NEBL: variants seen among roughly 807,000 people sequenced by gnomAD.
NEBL encodes the protein nebulette.
A neutral mutation model predicts 140.2 loss-of-function variants in NEBL; 122 were observed. That is an observed-to-expected ratio of 0.87 (90% CI 0.75 to 1.01). The LOEUF is 1.01. Among genes scored for constraint, NEBL ranks in the 50% least tolerant of loss-of-function variants. The pLI, the probability that NEBL is intolerant of heterozygous loss-of-function variation, is 0.00. For synonymous variants in NEBL, 436 were observed against 398.9 expected, an observed-to-expected ratio of 1.09 and a Z score of -1.11; for missense variants, 1,365 against 1,231.3, an observed-to-expected ratio of 1.11 and a Z score of -1.62.
intron 3 of NEBL, among the ~76,000 whole-genome samples, chr10:21,224,255 G>A (rs190356646): frequency 3.9e-5 from 6 of 152,248 alleles, no homozygotes; most frequent in African/African-American, 9.6e-5. Flanking sequence ...TCCTAGCACT[G>A]TTTATTAAAA....
chr10:21,073,276 T>C (rs914606235), intron 2 of NEBL, among the ~76,000 whole-genome samples: 4 of 151,600 alleles, frequency 2.6e-5, no homozygotes, highest in South Asian at 2.1e-4. Flanking sequence ...TGAGCCATGA[T>C]TGCACCACTG....
chr10:21,219,662 T>C (rs1233672618), intron 3 of NEBL, among the ~76,000 whole-genome samples: 2 of 152,214 alleles, frequency 1.3e-5, no homozygotes, highest in Non-Finnish European at 2.9e-5. Context: ...ATTGAATCTA[T>C]AGATCGATTT....
intron 3 of NEBL, among the ~76,000 whole-genome samples, chr10:21,226,079 C>T (rs1268159943): frequency 6.6e-6 from 1 of 151,968 alleles, no homozygotes; most frequent in Non-Finnish European, 1.5e-5. Context: ...ATCCAGGGCC[C>T]AAGGGCTCTT....
intron 3 of NEBL, among the ~76,000 whole-genome samples, chr10:20,975,835 T>C (rs1564468117): frequency 6.6e-6 from 1 of 152,256 alleles, no homozygotes; most frequent in East Asian, 1.9e-4. Context: ...CATATAGATA[T>C]ATATGTGGGC....
chr10:20,861,479 A>ACAGT (rs1843698520), intron 7 of NEBL, among the ~76,000 whole-genome samples: 1 of 152,104 alleles, frequency 6.6e-6, no homozygotes, highest in Non-Finnish European at 1.5e-5. Flanking sequence ...GCGCCCAGCC[A>ACAGT]CAGTCTTATT....
intron 2 of NEBL, among the ~76,000 whole-genome samples, chr10:21,106,416 T>G (rs1405736702): frequency 6.6e-6 from 1 of 152,136 alleles, no homozygotes; most frequent in Non-Finnish European, 1.5e-5. Flanking sequence ...CTAGCCAGTT[T>G]TCCCAGCAGC....
rs553354163 is a variant in NEBL, at chr10:20,782,712, T to A, written c.*3035A>T. ...CTGGGATCATCAAGAGCCTCCTCCATGGGCAGTTGATAACCAAATAAATAT... is the reference window on the plus strand; with the variant it reads ...CTGGGATCATCAAGAGCCTCCTCCAAGGGCAGTTGATAACCAAATAAATAT... On this transcript the variant is annotated 3_prime_UTR_variant, in exon 28 of 28. Coordinates refer to ENST00000377122, the MANE Select transcript of NEBL (RefSeq NM_006393.3). The A allele has an allele frequency of 6.6e-6, 1 of 152,196 alleles. No individual in the cohort carries two copies. The highest frequency in any genetic ancestry group is 2.4e-5 in the African/African-American group (1 of 41,458). The allele number at this position is 152,196 out of a possible 1,614,324, so 9.4% of individuals were successfully genotyped here.
At chr10:20,986,758 A>G (rs528877697) in intron 3 of NEBL, among the ~76,000 whole-genome samples, 10 of 152,362 alleles carry the variant, frequency 6.6e-5, no homozygotes, top group South Asian at 2.1e-4. Context: ...ATGAATTTCT[A>G]TGATAGATCC....
At chr10:20,796,240 G>A (rs544751015) in intron 26 of NEBL, among the ~76,000 whole-genome samples, 17 of 151,640 alleles carry the variant, frequency 1.1e-4, no homozygotes, top group East Asian at 1.9e-4. Context: ...GTGGGCGCCC[G>A]TTATCCCAGC....
At chr10:20,871,465 G>A (rs973551032) in intron 5 of NEBL, among the ~76,000 whole-genome samples, 8 of 152,160 alleles carry the variant, frequency 5.3e-5, no homozygotes, top group African/African-American at 1.7e-4. Context: ...AAGATCAAGT[G>A]TAAGAAGTGA....
At chr10:21,048,427 C>T (rs1834615637) in intron 2 of NEBL, among the ~76,000 whole-genome samples, 1 of 139,854 alleles carries the variant, frequency 7.2e-6, no homozygotes, top group Non-Finnish European at 1.5e-5. Context: ...GGCCATTCTA[C>T]TCTTAGACAT....
chr10:21,003,280 C>T (rs1047752216), intron 3 of NEBL, among the ~76,000 whole-genome samples: 3 of 152,180 alleles, frequency 2.0e-5, no homozygotes, highest in Non-Finnish European at 2.9e-5. Flanking sequence ...TGACCTCCCA[C>T]GCCATGCAGC....
At chr10:20,975,393 C>G (rs1589097779) in intron 3 of NEBL, among the ~76,000 whole-genome samples, 1 of 152,030 alleles carries the variant, frequency 6.6e-6, no homozygotes, top group Non-Finnish European at 1.5e-5. Flanking sequence ...CATGAGAGTA[C>G]AGCTATTTGA....
chr10:20,958,740 G>A (rs1447119660), intron 4 of NEBL, among the ~76,000 whole-genome samples: 1 of 152,108 alleles, frequency 6.6e-6, no homozygotes, highest in Non-Finnish European at 1.5e-5. Flanking sequence ...TACACTAAGT[G>A]GGTAACATAG....
Position 20,828,621 on chromosome 10 carries a change from T to C in NEBL, c.1685A>G (p.Asp562Gly), listed in dbSNP as rs988966506. The change falls in exon 17 of 28, where the codon GAT becomes GGT. Residue 562 changes from aspartate to glycine, a missense_variant. By Grantham distance (94) the Asp-to-Gly change is moderately conservative. Transcript: ENST00000377122. ...SEIYSQRKYK[D>G]EAEKMLSNYS... ...GTTAGAAAGCATCTTCTCTGCTTCA[T>C]CTTTATACTTTCTCTAAAAACATAA... is the stretch of plus-strand genomic sequence containing the variant. 2 of 1,567,950 alleles carry C rather than the reference T, an allele frequency of 1.3e-6. No homozygotes were observed. The highest frequency in any genetic ancestry group is 8.8e-7 in the Non-Finnish European group (1 of 1,138,726).
intron 2 of NEBL, among the ~76,000 whole-genome samples, chr10:21,093,150 C>CTTTTTTTTTTT (rs4025884): frequency 0.3 from 27,129 of 91,730 alleles, 4,904 homozygotes; most frequent in Non-Finnish European, 0.39. Context: ...AGCAACAAGT[C>CTTTTTTTTTTT]TTTTTTTTTT....
chr10:21,262,848 T>C (rs1842756786), intron 1 of NEBL, among the ~76,000 whole-genome samples: 1 of 152,170 alleles, frequency 6.6e-6, no homozygotes, highest in Non-Finnish European at 1.5e-5. Flanking sequence ...CAAACCTCTC[T>C]TTAAATTCCG....
intron 4 of NEBL, among the ~76,000 whole-genome samples, chr10:20,921,894 C>G (rs1165349730): frequency 2.0e-5 from 3 of 152,108 alleles, no homozygotes; most frequent in Non-Finnish European, 1.5e-5. Context: ...CAAACATATA[C>G]ATATCTAAAT....
intron 4 of NEBL, among the ~76,000 whole-genome samples, chr10:20,928,719 C>T (rs1719426697): frequency 1.3e-5 from 2 of 152,180 alleles, no homozygotes; most frequent in South Asian, 2.1e-4. Flanking sequence ...TCTTTCCACC[C>T]TTCTCTAGAA....
Sources: gnomAD v4.1 joint callset for allele counts (sites outside exome capture counted in the v4.1 genomes callset) on GRCh38, gnomAD v4.1.1 for gene constraint, MANE v1.5 for transcripts, NCBI Gene and HGNC (gene_info 2026-07-23, HGNC 2026-07-21) for gene names.